Variants in PRKG1 observed in about 807,000 individuals in gnomAD.
The protein encoded by PRKG1 is protein kinase cGMP-dependent 1.
In PRKG1, 35 loss-of-function variants were observed where a neutral mutation model predicts 88.1. The observed-to-expected ratio is 0.40, with a 90% CI of 0.30 to 0.53. The LOEUF is 0.53. Ranked by LOEUF, PRKG1 falls within the 20% of genes least tolerant of loss-of-function variation. The pLI is 0.59. For synonymous variants in PRKG1, 303 were observed against 292.5 expected (o/e 1.04, Z -0.37); for missense variants, 540 against 839.8 (o/e 0.64, Z 4.41).
intron 3 of PRKG1, among the ~76,000 whole-genome samples, chr10:51,703,833 A>G (rs1034035194): frequency 6.6e-6 from 1 of 152,146 alleles, no homozygotes; most frequent in African/African-American, 2.4e-5. Context: ...GAGAACCACT[A>G]CATTATAAGA....
chr10:52,157,110 A>G (rs533647677), intron 8 of PRKG1, among the ~76,000 whole-genome samples: 2 of 151,028 alleles, frequency 1.3e-5, no homozygotes, highest in Non-Finnish European at 3.0e-5. Context: ...TTTTAATTTG[A>G]AAATATTCTA....
At chr10:51,033,240 T>A (rs1001872921) in intron 1 of PRKG1, among the ~76,000 whole-genome samples, 5 of 152,154 alleles carry the variant, frequency 3.3e-5, no homozygotes, top group Non-Finnish European at 7.4e-5. Flanking sequence ...GCCCACCCCA[T>A]CATGTCCTCA....
intron 9 of PRKG1, among the ~76,000 whole-genome samples, chr10:52,247,075 T>C (rs1402038669): frequency 6.6e-6 from 1 of 152,090 alleles, no homozygotes; most frequent in Non-Finnish European, 1.5e-5. Context: ...CTTTATGGCT[T>C]TATAAGCTCC....
chr10:51,550,998 G>T (rs918620312), intron 3 of PRKG1, among the ~76,000 whole-genome samples: 3 of 151,808 alleles, frequency 2.0e-5, no homozygotes, highest in African/African-American at 7.2e-5. Context: ...AGAAATACAT[G>T]TCCAAATTCA....
At position 51,788,767 on chromosome 10, in the gene PRKG1, A is replaced by T. The variant is rs573402111; in HGVS notation, c.593-15818A>T. On this transcript the variant is annotated intron_variant, in intron 3 of 17. Transcript: ENST00000373980. The stretch of plus-strand genomic sequence containing the variant: ...GTGGCAGCGAACTGAGGTGATGTAG[A>T]GGTATATGACAAAAATGGAAACTTC... Among the ~76,000 whole-genome samples the T allele has an allele frequency of 3.3e-5, 5 of 152,284 alleles. 1 individual carries two copies. The South Asian group carries it at 1.0e-3, about 32-fold the overall frequency.
At chr10:51,043,914 T>A (rs1843455889) in intron 1 of PRKG1, among the ~76,000 whole-genome samples, 1 of 152,194 alleles carries the variant, frequency 6.6e-6, no homozygotes, top group Admixed American at 6.5e-5. Flanking sequence ...CTCAGTTATG[T>A]GCAGTACTGA....
chr10:51,275,422 A>C (rs1324964014), intron 2 of PRKG1, among the ~76,000 whole-genome samples: 1 of 152,118 alleles, frequency 6.6e-6, no homozygotes, highest in East Asian at 1.9e-4. Context: ...GAAAATCCTA[A>C]TTTTTCTTTG....
At chr10:51,059,708 T>A (rs895107582) in intron 1 of PRKG1, among the ~76,000 whole-genome samples, 2 of 152,194 alleles carry the variant, frequency 1.3e-5, no homozygotes, top group Non-Finnish European at 2.9e-5. Context: ...CTTCTGACAT[T>A]TGTTGAGACT....
At chr10:51,286,357 A>G (rs1268302574) in intron 2 of PRKG1, among the ~76,000 whole-genome samples, 2 of 152,172 alleles carry the variant, frequency 1.3e-5, no homozygotes, top group Non-Finnish European at 2.9e-5. Context: ...ACAATTATGT[A>G]TGATTGACTT....
intron 1 of PRKG1, among the ~76,000 whole-genome samples, chr10:51,048,365 A>G (rs1229190145): frequency 6.6e-6 from 1 of 151,450 alleles, no homozygotes; most frequent in Non-Finnish European, 1.5e-5. Context: ...TTTTAACACC[A>G]TTGTTCAATT....
At chr10:51,276,088 A>G (rs985121210) in intron 2 of PRKG1, among the ~76,000 whole-genome samples, 4 of 151,880 alleles carry the variant, frequency 2.6e-5, no homozygotes, top group African/African-American at 9.7e-5. Flanking sequence ...TATATTAGGT[A>G]TATCTCTTAA....
At chr10:51,467,179 T>A (rs1839926909) in intron 2 of PRKG1, among the ~76,000 whole-genome samples, 1 of 152,000 alleles carries the variant, frequency 6.6e-6, no homozygotes, top group South Asian at 2.1e-4. Flanking sequence ...TTGTAGTTTG[T>A]TTTTTCCTAC....
intron 2 of PRKG1, among the ~76,000 whole-genome samples, chr10:51,173,412 G>C (rs919449444): frequency 3.0e-5 from 1 of 33,898 alleles, no homozygotes; most frequent in Non-Finnish European, 5.4e-5. Flanking sequence ...GAGTTGGGCA[G>C]TGTGTGTGTG....
intron 2 of PRKG1, among the ~76,000 whole-genome samples, chr10:51,297,935 G>T (rs911517562): frequency 1.3e-5 from 2 of 152,002 alleles, no homozygotes; most frequent in Non-Finnish European, 2.9e-5. Flanking sequence ...GGATAGAGTA[G>T]GTGTCCTTAC....
At chr10:51,507,163 A>C (rs1020951932) in intron 3 of PRKG1, among the ~76,000 whole-genome samples, 1 of 105,312 alleles carries the variant, frequency 9.5e-6, no homozygotes, top group Non-Finnish European at 2.0e-5. Flanking sequence ...GAGTAGGGGG[A>C]GGGGGGAGGG....
chr10:52,202,146 G>A (rs9415087), intron 9 of PRKG1, among the ~76,000 whole-genome samples: 38,996 of 151,934 alleles, frequency 0.26, 6,007 homozygotes, highest in Admixed American at 0.41. Context: ...TTCTCAAGGG[G>A]AATGCTTCCA....
At chr10:51,505,991 G>A (rs545679778) in intron 3 of PRKG1, among the ~76,000 whole-genome samples, 35 of 151,926 alleles carry the variant, frequency 2.3e-4, no homozygotes, top group Middle Eastern at 3.4e-3. Context: ...CTCTGATCTT[G>A]GTTATTTCTT....
chr10:51,629,340 G>A (rs1326098535), intron 3 of PRKG1, among the ~76,000 whole-genome samples: 1 of 151,910 alleles, frequency 6.6e-6, no homozygotes, highest in African/African-American at 2.4e-5. Flanking sequence ...TACATTTATT[G>A]TACACTTCAT....
chr10:51,824,404 C>CT (rs5784888), intron 4 of PRKG1, among the ~76,000 whole-genome samples: 31,816 of 151,840 alleles, frequency 0.21, 5,364 homozygotes, highest in African/African-American at 0.47. Flanking sequence ...GTTATTTTAA[C>CT]TTTTTTCATC....
Sources: allele counts gnomAD v4.1 joint callset (sites outside exome capture counted in the v4.1 genomes callset), GRCh38; gene constraint gnomAD v4.1.1; transcripts MANE v1.5; gene names NCBI Gene and HGNC (gene_info 2026-07-23, HGNC 2026-07-21).